Variants in USH2A observed in about 807,000 individuals in gnomAD.
The protein encoded by USH2A is usherin, also known as Usher syndrome 2A (autosomal recessive, mild).
A neutral mutation model predicts 538.9 loss-of-function variants in USH2A; 443 were observed. The observed-to-expected ratio is 0.82, with a 90% CI of 0.76 to 0.89. The LOEUF (loss-of-function observed/expected upper bound fraction) is 0.89, where lower values mean the gene tolerates loss of function less well. Among genes scored for constraint, USH2A ranks in the 40% least tolerant of loss-of-function variants. The probability of loss-of-function intolerance (pLI) is 0.00; values close to 1 mark genes in which losing one functional copy is unlikely to be tolerated. For missense variants in USH2A, 6,633 were observed against 6,324.8 expected (o/e 1.05, Z -1.65); for synonymous variants, 2,413 against 2,273.5 (o/e 1.06, Z -1.75).
At chr1:215,974,296 G>A (rs10864216) in intron 35 of USH2A, among the ~76,000 whole-genome samples, 24,051 of 152,070 alleles carry the variant, frequency 0.16, 2,161 homozygotes, top group African/African-American at 0.24. Context: ...TGAAGCCTAA[G>A]AAGATGCTTT....
intron 9 of USH2A, among the ~76,000 whole-genome samples, chr1:216,310,535 T>C (rs1221712149): frequency 6.6e-6 from 1 of 152,146 alleles, no homozygotes; most frequent in Non-Finnish European, 1.5e-5. Context: ...TTTCTTTGTG[T>C]TCTTTTTTTC....
intron 24 of USH2A, among the ~76,000 whole-genome samples, chr1:216,086,102 G>A (rs1427283303): frequency 6.6e-6 from 1 of 151,966 alleles, no homozygotes. Context: ...TCCTATCTAA[G>A]GTTAATTCCA....
chr1:216,380,174 CA>C (rs1414281985), intron 3 of USH2A, among the ~76,000 whole-genome samples: 2 of 151,910 alleles, frequency 1.3e-5, no homozygotes, highest in African/African-American at 4.8e-5. Flanking sequence ...ACGTTAGAAA[CA>C]ACATAAAAGA....
chr1:215,799,144 A>G lies in USH2A; in HGVS notation c.9740-19T>C. On this transcript the variant is annotated intron_variant, in intron 49 of 71. Transcript: ENST00000307340. ...ACTTCACCTGTCAATTTAGGACAAT[A>G]ATAATCATTACATCAGTTAAAAAAA... 6.2e-7 allele frequency: 1 copy of G among 1,606,318 alleles called. No individual in the cohort carries two copies. Among genetic ancestry groups the G allele is most frequent in the Non-Finnish European group, 8.5e-7 (1 of 1,175,096 alleles).
At chr1:215,935,480 A>G (rs917290026) in intron 37 of USH2A, among the ~76,000 whole-genome samples, 5 of 152,018 alleles carry the variant, frequency 3.3e-5, no homozygotes, top group Non-Finnish European at 5.9e-5. Context: ...CTGCCTAGCT[A>G]TATAAAAGAA....
chr1:216,358,088 G>A (rs929857473), intron 4 of USH2A, among the ~76,000 whole-genome samples: 2 of 152,112 alleles, frequency 1.3e-5, no homozygotes, highest in Non-Finnish European at 2.9e-5. Context: ...TACTTTTCCA[G>A]GGAAAGCAAA....
At chr1:216,356,675 A>G (rs966589288) in intron 4 of USH2A, among the ~76,000 whole-genome samples, 2 of 152,094 alleles carry the variant, frequency 1.3e-5, no homozygotes, top group African/African-American at 4.8e-5. Flanking sequence ...GGTGTATACT[A>G]TTCCACAGTA....
intron 26 of USH2A, among the ~76,000 whole-genome samples, chr1:216,080,707 A>G (rs1241092065): frequency 6.6e-6 from 1 of 151,548 alleles, no homozygotes; most frequent in Non-Finnish European, 1.5e-5. Flanking sequence ...AGTTGAACAT[A>G]CAAAGAGGGG....
intron 48 of USH2A, 145 bp downstream of exon 48, chr1:215,816,852 A>T: frequency 1.2e-6 from 1 of 861,026 alleles, no homozygotes; most frequent in Non-Finnish European, 1.8e-6. Flanking sequence ...TGATTTTTGT[A>T]AGCATCCTTT....
At chr1:216,365,845 A>C (rs2038585690) in intron 3 of USH2A, among the ~76,000 whole-genome samples, 1 of 152,152 alleles carries the variant, frequency 6.6e-6, no homozygotes, top group Non-Finnish European at 1.5e-5. Context: ...TGTCCAAATA[A>C]AACTTTATTT....
chr1:216,273,173 G>A (rs940166881), intron 11 of USH2A, among the ~76,000 whole-genome samples: 3 of 152,012 alleles, frequency 2.0e-5, no homozygotes, highest in Non-Finnish European at 4.4e-5. Context: ...AAGGGGTGTC[G>A]GACTTTTGAA....
chr1:215,741,035 G>C (rs1660285781), intron 60 of USH2A, among the ~76,000 whole-genome samples: 1 of 151,880 alleles, frequency 6.6e-6, no homozygotes, highest in Non-Finnish European at 1.5e-5. Flanking sequence ...GTGGCCTGGG[G>C]GTTAGGAACC....
chr1:216,033,948 A>G lies in USH2A; in HGVS notation c.6325+12483T>C, dbSNP rs137948890. ...AAGAATGAATAGTGTTACTTTTCCC[A>G]AAGATAAAAAACTCAGAAAAAAGAG... On this transcript the variant is annotated intron_variant, in intron 32 of 71. Coordinates refer to ENST00000307340, the MANE Select transcript of USH2A (RefSeq NM_206933.4). Among the ~76,000 whole-genome samples the G allele has an allele frequency of 6.6e-3, 1,009 of 152,330 alleles. 9 individuals carry two copies. The highest frequency in any genetic ancestry group is 0.023 in the African/African-American group (939 of 41,566).
chr1:216,376,980 T>A (rs913701102), intron 3 of USH2A, among the ~76,000 whole-genome samples: 2 of 152,160 alleles, frequency 1.3e-5, no homozygotes, highest in East Asian at 3.8e-4. Flanking sequence ...TGTATTAATT[T>A]TATATTCTTA....
chr1:216,086,600 A>T (rs1023085433), intron 24 of USH2A, 119 bp downstream of exon 24: 1 of 886,936 alleles, frequency 1.1e-6, no homozygotes, highest in Non-Finnish European at 1.8e-6. Flanking sequence ...TTTTTGGCAC[A>T]TTAATATAGA....
chr1:216,148,879 A>G (rs1266914347), intron 21 of USH2A, among the ~76,000 whole-genome samples: 1 of 151,794 alleles, frequency 6.6e-6, no homozygotes. Context: ...ACACCCATCA[A>G]GCTCAGCAAA....
intron 71 of USH2A, among the ~76,000 whole-genome samples, chr1:215,626,608 T>A (rs1010660191): frequency 1.3e-5 from 2 of 152,174 alleles, no homozygotes; most frequent in African/African-American, 4.8e-5. Flanking sequence ...AAAAGCTTGT[T>A]ATTGAGTCCC....
chr1:215,936,793 GC>G (rs1422823686), intron 37 of USH2A, among the ~76,000 whole-genome samples: 1 of 151,952 alleles, frequency 6.6e-6, no homozygotes, highest in Non-Finnish European at 1.5e-5. Flanking sequence ...AATGAATAAA[GC>G]AGCACTAATC....
chr1:215,870,239 A>G (rs1664587784), intron 43 of USH2A, among the ~76,000 whole-genome samples: 1 of 150,028 alleles, frequency 6.7e-6, no homozygotes, highest in Admixed American at 6.6e-5. Context: ...TTTAACTTTC[A>G]TTGTTAAGTT....
Sources: allele counts gnomAD v4.1 joint callset (sites outside exome capture counted in the v4.1 genomes callset), GRCh38; gene constraint gnomAD v4.1.1; transcripts MANE v1.5; gene names NCBI Gene and HGNC (gene_info 2026-07-23, HGNC 2026-07-21).